Variants in GAL3ST2 observed in about 807,000 individuals in gnomAD.
GAL3ST2 encodes galactose-3-O-sulfotransferase 2.
Under a neutral mutation model 12.9 loss-of-function variants are expected in GAL3ST2, and 16 were observed. The ratio of observed to expected loss-of-function variants is 1.24; its 90% CI spans 0.84 to 1.88. GAL3ST2 has a LOEUF of 1.88. GAL3ST2 is among the 40% of genes most tolerant of loss of function. The pLI, the probability that GAL3ST2 is intolerant of heterozygous loss-of-function variation, is 0.00. For synonymous variants in GAL3ST2, 302 were observed against 273.9 expected, an observed-to-expected ratio of 1.10 and a Z score of -1.01; for missense variants, 639 against 571.8, an observed-to-expected ratio of 1.12 and a Z score of -1.20.
In GAL3ST2 at chr2:241,803,296, C is replaced by A. The variant is rs201401037; in HGVS notation, c.376-49C>A. ...GCGCCTCCTCCCCGCGGGTGGGCCA[C>A]CCTGGCCTGGGCCCGCGGTCCGCAG... On this transcript the variant is annotated intron_variant, in intron 3 of 3. Transcript: ENST00000192314. The A allele has an allele frequency of 2.5e-5, 37 of 1,498,008 alleles. No individual in the cohort carries two copies. In the East Asian group the frequency reaches 7.3e-4, roughly 29 times the overall value. 92.8% of individuals were successfully genotyped at this position (1,498,008 alleles called of 1,614,324 possible). A position where few individuals can be genotyped will look rare whatever the true frequency, so the allele number is the denominator to read the frequency against.
intron 1 of GAL3ST2, among the ~76,000 whole-genome samples, chr2:241,794,591 C>T (rs892305861): frequency 6.6e-6 from 1 of 152,230 alleles, no homozygotes; most frequent in Non-Finnish European, 1.5e-5. Flanking sequence ...CTTCTGGGCG[C>T]TCCCAGTGAG....
In GAL3ST2 at chr2:241,799,155, G is replaced by GT. The variant is rs1250849627; in HGVS notation, c.119+2dup. On this transcript the variant is annotated splice_donor_variant, in intron 2 of 3. Coordinates refer to ENST00000192314, the MANE Select transcript of GAL3ST2 (RefSeq NM_022134.3). LOFTEE classifies it high-confidence loss of function. ...ACTCGGACTTAGAGCTGGACACACC[G>GT]TAAGTCCTGCCCCCACCATAAGTCC... 1.2e-5 allele frequency: 20 copies of GT among 1,612,696 alleles called. No individual in the cohort carries two copies. Among genetic ancestry groups the GT allele is most frequent in the Non-Finnish European group, 1.7e-6 (2 of 1,179,186 alleles).
At chr2:241,803,258 G>C in intron 3 of GAL3ST2, 87 bp from the exon 4 acceptor site, 1 of 1,066,670 alleles carries the variant, frequency 9.4e-7, no homozygotes, top group South Asian at 1.6e-5. Flanking sequence ...CCTTGAGCGG[G>C]TGTGGCCAGG....
At chr2:241,784,286 G>T (rs1699602194) in intron 1 of GAL3ST2, among the ~76,000 whole-genome samples, 1 of 152,126 alleles carries the variant, frequency 6.6e-6, no homozygotes, top group Non-Finnish European at 1.5e-5. Flanking sequence ...ACCTGCCTCG[G>T]CCTCCCAAAG....
chr2:241,796,252 G>T (rs77741093), intron 1 of GAL3ST2, among the ~76,000 whole-genome samples: 2 of 152,090 alleles, frequency 1.3e-5, no homozygotes, highest in African/African-American at 4.8e-5. Flanking sequence ...CTACGGAGAA[G>T]GCCCAGACAT....
In GAL3ST2 at chr2:241,800,671, G is replaced by A. The variant is rs1258898758; in HGVS notation, c.120-1110G>A. Among the ~76,000 whole-genome samples, 1 of 152,186 alleles carries A rather than the reference G, an allele frequency of 6.6e-6. No individual in the cohort carries two copies. Among genetic ancestry groups the A allele is most frequent in the East Asian group, 1.9e-4 (1 of 5,192 alleles). On this transcript the variant is annotated intron_variant, in intron 2 of 3. Transcript: ENST00000192314. This position sits in a 1 kb window ranked among gnomAD's most constrained non-coding sequence, Gnocchi z 5.2. ...GCTCAGGGGACAGTTACTGAAATGC[G>A]GCTCTTGTCCGATGGCAGCTGTGGT...
intron 1 of GAL3ST2, among the ~76,000 whole-genome samples, chr2:241,782,384 G>A (rs1699576266): frequency 6.6e-6 from 1 of 151,962 alleles, no homozygotes; most frequent in African/African-American, 2.4e-5. Flanking sequence ...GGAGTGCAGT[G>A]GTGCAATTTC....
At position 241,787,649 on chromosome 2, in the gene GAL3ST2, T is replaced by G. The variant is rs566902206; in HGVS notation, c.29+10665T>G. ...ACTCCTTTATGGAGTTTGAGCTCAC[T>G]TCCAACAGAGAAGATGAGTTTCTTT... On this transcript the variant is annotated intron_variant, in intron 1 of 3. Coordinates refer to ENST00000192314, the MANE Select transcript of GAL3ST2 (RefSeq NM_022134.3). Among the ~76,000 whole-genome samples, 5 of 151,760 alleles carry G rather than the reference T, an allele frequency of 3.3e-5. 1 individual carries two copies. The highest frequency in any genetic ancestry group is 3.3e-4 in the Admixed American group (5 of 15,242).
At position 241,784,960 on chromosome 2, in the gene GAL3ST2, T is replaced by TA. The variant is rs374712584; in HGVS notation, c.29+7981dup. ...GGATGCCAAATCAAACATAAAATTA[T>TA]AAAAATCTACCATTGGATTATATAA... On this transcript the variant is annotated intron_variant, in intron 1 of 3. Transcript: ENST00000192314. Among the ~76,000 whole-genome samples, 195 of 152,320 alleles carry TA rather than the reference T, an allele frequency of 1.3e-3. 2 individuals carry two copies. The highest frequency in any genetic ancestry group is 4.3e-3 in the African/African-American group (178 of 41,562).
rs1699735598 is a variant in GAL3ST2 at position 241,793,745 on chromosome 2, TG to T, written c.30-5319del. On this transcript the variant is annotated intron_variant, in intron 1 of 3. Coordinates refer to ENST00000192314, the MANE Select transcript of GAL3ST2 (RefSeq NM_022134.3). The surrounding 1 kb of genome is among the most constrained non-coding windows in gnomAD (Gnocchi z 4.7). ...ATGTGTGTATGTGTGTATATGTATG[TG>T]TGTGTGTATTGTGTATGTGTAGTGT... Among the ~76,000 whole-genome samples the T allele has an allele frequency of 7.2e-6, 1 of 139,614 alleles. No homozygotes were observed. Among genetic ancestry groups the T allele is most frequent in the Non-Finnish European group, 1.7e-5 (1 of 59,632 alleles). 91.6% of individuals were successfully genotyped at this position (139,614 alleles called of 152,430 possible). A position where few individuals can be genotyped will look rare whatever the true frequency, so the allele number is the denominator to read the frequency against.
chr2:241,801,500 T>G lies in GAL3ST2; in HGVS notation c.120-281T>G. The G allele has an allele frequency of 4.8e-4, 218 of 451,942 alleles. No homozygotes were observed. The highest frequency in any genetic ancestry group is 1.8e-3 in the Middle Eastern group (3 of 1,684). 28.0% of individuals were successfully genotyped at this position (451,942 alleles called of 1,614,324 possible). Reference sequence around the variant, plus strand: ...GTCCCCTTGGCCAAGATGGGGTTCATTTAGGGTTTTATTTTTAGTTCTCGG... The same window carrying G: ...GTCCCCTTGGCCAAGATGGGGTTCAGTTAGGGTTTTATTTTTAGTTCTCGG... On this transcript the variant is annotated intron_variant, in intron 2 of 3. Coordinates refer to ENST00000192314, the MANE Select transcript of GAL3ST2 (RefSeq NM_022134.3). The surrounding 1 kb of genome is among the most constrained non-coding windows in gnomAD (Gnocchi z 4.4).
At chr2:241,780,973 C>T (rs1051839772) in intron 1 of GAL3ST2, among the ~76,000 whole-genome samples, 1 of 152,244 alleles carries the variant, frequency 6.6e-6, no homozygotes, top group Non-Finnish European at 1.5e-5. Context: ...GGAAAGCTCA[C>T]CGTTCCAGTC....
intron 1 of GAL3ST2, among the ~76,000 whole-genome samples, chr2:241,797,101 C>G (rs748165839): frequency 6.6e-6 from 1 of 152,240 alleles, no homozygotes; most frequent in Non-Finnish European, 1.5e-5. Flanking sequence ...TCAAGCAATT[C>G]TCCCACTTCC....
At position 241,779,775 on chromosome 2, in the gene GAL3ST2, C is replaced by G. The variant is rs377500716; in HGVS notation, c.29+2791C>G. 1.6e-3 allele frequency among the ~76,000 whole-genome samples: 249 copies of G among 151,332 alleles called. 1 individual carries two copies. The highest frequency in any genetic ancestry group is 5.8e-3 in the African/African-American group (240 of 41,336). On this transcript the variant is annotated intron_variant, in intron 1 of 3. Transcript: ENST00000192314. Reference sequence around the variant, plus strand: ...CCGAGGCGGGCGGATCACCTGAGATCAGGAGTTTGAGAACAGCCTGACCAA... The same window carrying G: ...CCGAGGCGGGCGGATCACCTGAGATGAGGAGTTTGAGAACAGCCTGACCAA...
At chr2:241,792,211 G>C (rs1362320450) in intron 1 of GAL3ST2, among the ~76,000 whole-genome samples, 1 of 151,580 alleles carries the variant, frequency 6.6e-6, no homozygotes, top group Non-Finnish European at 1.5e-5. Flanking sequence ...TTATTATTTA[G>C]TAAAGATGGG....
At position 241,802,075 on chromosome 2, in the gene GAL3ST2, C is replaced by T. The variant is rs1012226158; in HGVS notation, c.375+39C>T. 1.5e-4 allele frequency: 242 copies of T among 1,562,802 alleles called. No individual in the cohort carries two copies. Among genetic ancestry groups the T allele is most frequent in the Non-Finnish European group, 7.7e-5 (89 of 1,153,782 alleles). On this transcript the variant is annotated intron_variant, in intron 3 of 3. Coordinates refer to ENST00000192314, the MANE Select transcript of GAL3ST2 (RefSeq NM_022134.3). This position sits in a 1 kb window ranked among gnomAD's most constrained non-coding sequence, Gnocchi z 4.8. ...GCTGGGGAGGAGGGCGGGCTGCAGC[C>T]GTGCCTGTGGCTGTGGGTCTGGGTG...
rs1422217087 is a variant in GAL3ST2 at position 241,800,351 on chromosome 2, C to G, written c.119+1197C>G. Among the ~76,000 whole-genome samples the G allele has an allele frequency of 1.5e-5, 2 of 130,038 alleles. No homozygotes were observed. Among genetic ancestry groups the G allele is most frequent in the Admixed American group, 1.7e-4 (2 of 11,602 alleles). The allele number at this position is 130,038 out of a possible 152,430, so 85.3% of individuals were successfully genotyped here. On this transcript the variant is annotated intron_variant, in intron 2 of 3. Transcript: ENST00000192314. This position sits in a 1 kb window ranked among gnomAD's most constrained non-coding sequence, Gnocchi z 5.2. The stretch of plus-strand genomic sequence containing the variant: ...CACAGCCGCCGACCCAGGCTGGGAG[C>G]GGGCACTTCGAGGGAGGGGGTGGGA...
chr2:241,801,354 C>A lies in GAL3ST2; in HGVS notation c.120-427C>A. ...AGATGTGCCACATTTTCTTTACGGT[C>A]TCTATGTAACATTCACACCCGGCAG... On this transcript the variant is annotated intron_variant, in intron 2 of 3. Transcript: ENST00000192314. This position sits in a 1 kb window ranked among gnomAD's most constrained non-coding sequence, Gnocchi z 4.4. 7.3e-5 allele frequency: 13 copies of A among 177,616 alleles called. No homozygotes were observed. The highest frequency in any genetic ancestry group is 3.3e-4 in the South Asian group (2 of 6,076). The allele number at this position is 177,616 out of a possible 1,614,324, so 11.0% of individuals were successfully genotyped here.
chr2:241,779,105 T>TC (rs148552055), intron 1 of GAL3ST2, among the ~76,000 whole-genome samples: 6,062 of 151,254 alleles, frequency 0.04, 343 homozygotes, highest in East Asian at 0.15. Flanking sequence ...GAGAAAGCTC[T>TC]CCAAGATTTT....
Sources: allele counts gnomAD v4.1 joint callset (sites outside exome capture counted in the v4.1 genomes callset), GRCh38; gene constraint gnomAD v4.1.1; non-coding constraint Gnocchi (gnomAD v3.1); transcripts MANE v1.5; gene names NCBI Gene and HGNC (gene_info 2026-07-23, HGNC 2026-07-21).